Variants in SLC12A5 observed in about 807,000 individuals in gnomAD.
The protein encoded by SLC12A5 is K-Cl cotransporter 2.
SLC12A5 carries 18 observed loss-of-function variants against 124.0 expected under a neutral mutation model. The observed-to-expected ratio is 0.15, with a 90% CI of 0.10 to 0.22. The LOEUF (loss-of-function observed/expected upper bound fraction) is 0.22, where lower values mean the gene tolerates loss of function less well. Ranked by LOEUF, SLC12A5 falls within the 10% of genes least tolerant of loss-of-function variation. The pLI is 1.00. For synonymous variants in SLC12A5, 589 were observed against 568.0 expected (o/e 1.04, Z -0.53); for missense variants, 867 against 1,478.7 (o/e 0.59, Z 6.78).
chr20:46,021,697 C>T, upstream of SLC12A5: 3 of 1,519,934 alleles, frequency 2.0e-6, no homozygotes, highest in Non-Finnish European at 1.8e-6. Context: ...TTTCTCCCTC[C>T]TAGAGCCTGG....
chr20:46,042,224 G>A (rs2084554417), intron 8 of SLC12A5, among the ~76,000 whole-genome samples: 1 of 152,130 alleles, frequency 6.6e-6, no homozygotes, highest in African/African-American at 2.4e-5. Flanking sequence ...TTGGAGAGTT[G>A]GGACCACATT....
chr20:46,041,109 T>G (rs1433932798), intron 7 of SLC12A5: 2 of 503,296 alleles, frequency 4.0e-6, no homozygotes, highest in African/African-American at 4.0e-5. Context: ...AGCATTGCAC[T>G]AATGCGGTGC....
chr20:46,042,903 T>C (rs556739200), intron 8 of SLC12A5, among the ~76,000 whole-genome samples: 2 of 152,226 alleles, frequency 1.3e-5, no homozygotes, highest in Non-Finnish European at 1.5e-5. Context: ...CTTTATTTGC[T>C]CATTTACTCC....
intron 8 of SLC12A5, among the ~76,000 whole-genome samples, chr20:46,042,856 A>G (rs1421268959): frequency 6.6e-6 from 1 of 151,886 alleles, no homozygotes; most frequent in Non-Finnish European, 1.5e-5. Flanking sequence ...GGAGGGTGAG[A>G]TCAATTTGGG....
chr20:46,040,820 T>A, intron 7 of SLC12A5: 1 of 726,740 alleles, frequency 1.4e-6, no homozygotes. Flanking sequence ...GGGAACAATT[T>A]ACCTTGTAAG....
At chr20:46,050,708 G>C (rs1459354207) in intron 17 of SLC12A5, among the ~76,000 whole-genome samples, 1 of 152,256 alleles carries the variant, frequency 6.6e-6, no homozygotes, top group Non-Finnish European at 1.5e-5. Flanking sequence ...CACTGGGCGA[G>C]GCACAGGGGA....
At chr20:46,051,528 T>A in intron 17 of SLC12A5, 147 bp from the exon 18 acceptor site, 1 of 669,376 alleles carries the variant, frequency 1.5e-6, no homozygotes, top group Non-Finnish European at 2.4e-6. Flanking sequence ...TGTGCCATTC[T>A]GGAGCCAGAG....
intron 1 of SLC12A5, 86 bp downstream of exon 1, chr20:46,029,482 C>T (rs892083442): frequency 9.9e-6 from 14 of 1,416,688 alleles, no homozygotes; most frequent in South Asian, 8.0e-5. Context: ...GGGGCCACCT[C>T]CTTCAGAGAG....
At chr20:46,035,723 T>C (rs1449164295) in intron 3 of SLC12A5, 54 bp from the exon 4 acceptor site, 1 of 1,575,832 alleles carries the variant, frequency 6.3e-7, no homozygotes, top group East Asian at 2.2e-5. Context: ...GGAGCACACC[T>C]GGGGTGTTCG....
intron 2 of SLC12A5, 91 bp from the exon 3 acceptor site, chr20:46,035,313 T>C: frequency 6.7e-7 from 1 of 1,498,510 alleles, no homozygotes; most frequent in Non-Finnish European, 9.1e-7. Flanking sequence ...AGTTTCGTGC[T>C]CCTTGTCCCC....
chr20:46,024,199 T>C (rs952205798), downstream of SLC12A5, among the ~76,000 whole-genome samples: 2 of 151,784 alleles, frequency 1.3e-5, no homozygotes, highest in Non-Finnish European at 2.9e-5. Flanking sequence ...CCCATTAGTT[T>C]TGATGACCTG....
At chr20:46,029,083 C>T (rs1269534242), upstream of SLC12A5, 4 of 1,295,972 alleles carry the variant, frequency 3.1e-6, no homozygotes, top group Non-Finnish European at 3.9e-6. Context: ...TCCCGCTCTC[C>T]CCCCAAAACC....
At chr20:46,034,039 G>A (rs2084476115) in intron 1 of SLC12A5, among the ~76,000 whole-genome samples, 2 of 151,986 alleles carry the variant, frequency 1.3e-5, no homozygotes, top group Non-Finnish European at 2.9e-5. Context: ...AATCATTTAA[G>A]GGACCAGCCT....
chr20:46,053,456 G>A lies in SLC12A5; in HGVS notation c.2548-122G>A. On this transcript the variant is annotated intron_variant, in intron 19 of 25. Coordinates refer to ENST00000243964, the MANE Select transcript of SLC12A5 (RefSeq NM_020708.5). This position sits in a 1 kb window ranked among gnomAD's most constrained non-coding sequence, Gnocchi z 4.7. ...GTGGCCCCAAAGACAGAGGATTTGG[G>A]GTCTGCATGTATGTGTGAGGAGTGG... The A allele has an allele frequency of 7.5e-7, 1 of 1,338,344 alleles. No homozygotes were observed. Among genetic ancestry groups the A allele is most frequent in the South Asian group, 1.3e-5 (1 of 76,874 alleles). The allele number at this position is 1,338,344 out of a possible 1,614,324, so 82.9% of individuals were successfully genotyped here.
At chr20:46,050,341 G>C (rs2084636561) in intron 17 of SLC12A5, among the ~76,000 whole-genome samples, 1 of 152,240 alleles carries the variant, frequency 6.6e-6, no homozygotes, top group African/African-American at 2.4e-5. Context: ...ACCTGCTCTT[G>C]GTTCCACCCA....
intron 2 of SLC12A5, 117 bp downstream of exon 2, chr20:46,035,159 A>T: frequency 5.3e-6 from 6 of 1,139,646 alleles, no homozygotes; most frequent in Non-Finnish European, 7.8e-6. Flanking sequence ...CCTTGAGTCT[A>T]CCTTCTTCCT....
upstream of SLC12A5, among the ~76,000 whole-genome samples, chr20:46,025,047 C>A (rs1199963303): frequency 6.6e-6 from 1 of 152,158 alleles, no homozygotes; most frequent in Non-Finnish European, 1.5e-5. Context: ...TGTGTTCTAG[C>A]TCAGGCTCTG....
intron 15 of SLC12A5, 68 bp downstream of exon 15, chr20:46,047,641 G>T (rs1225159051): frequency 5.1e-6 from 8 of 1,565,616 alleles, no homozygotes; most frequent in African/African-American, 1.3e-5. Flanking sequence ...GAGAGGGAAG[G>T]GGTCATGAGG....
rs1208718792 is a variant in SLC12A5 at position 46,059,506 on chromosome 20, G to A, written c.*1901G>A. The A allele has an allele frequency of 2.5e-6, 1 of 398,994 alleles. No individual in the cohort carries two copies. Among genetic ancestry groups the A allele is most frequent in the Admixed American group, 4.4e-5 (1 of 22,736 alleles). 24.7% of individuals were successfully genotyped at this position (398,994 alleles called of 1,614,324 possible). A position where few individuals can be genotyped will look rare whatever the true frequency, so the allele number is the denominator to read the frequency against. On this transcript the variant is annotated 3_prime_UTR_variant, in exon 26 of 26. Transcript: ENST00000243964. ...CACAGCCAGGTCCTGCCTTCTGGGG[G>A]CCTGAATATTCCAGAGCTGATGTGA...
Sources: allele counts gnomAD v4.1 joint callset (sites outside exome capture counted in the v4.1 genomes callset), GRCh38; gene constraint gnomAD v4.1.1; non-coding constraint Gnocchi (gnomAD v3.1); transcripts MANE v1.5; gene names NCBI Gene and HGNC (gene_info 2026-07-23, HGNC 2026-07-21).